The following RASIP1 variants were observed in gnomAD, a reference collection of about 807,000 sequenced individuals.
RASIP1 encodes the protein ras-interacting protein 1.
A neutral mutation model predicts 85.3 loss-of-function variants in RASIP1; 20 were observed. The ratio of observed to expected loss-of-function variants is 0.23; its 90% CI spans 0.17 to 0.34. RASIP1 has a LOEUF of 0.34. Ranked by LOEUF, RASIP1 falls within the 10% of genes least tolerant of loss-of-function variation. The pLI is 1.00. For synonymous variants in RASIP1, 617 were observed against 647.1 expected (o/e 0.95, Z 0.71); for missense variants, 1,170 against 1,390.9 (o/e 0.84, Z 2.53).
intron 4 of RASIP1, among the ~76,000 whole-genome samples, chr19:48,731,571 G>A (rs992086858): frequency 8.6e-5 from 13 of 152,038 alleles, no homozygotes; most frequent in South Asian, 4.1e-4. Context: ...AGAAGACCTC[G>A]TCCTAAAAAA....
Position 48,724,447 on chromosome 19 carries a change from C to T in RASIP1, c.2434G>A (p.Val812Ile), listed in dbSNP as rs146642647. 12 of 1,614,124 alleles carry T rather than the reference C, an allele frequency of 7.4e-6. No homozygotes were observed. In the Middle Eastern group the frequency reaches 6.6e-4, roughly 89 times the overall value. Residue 812 changes from valine to isoleucine, a missense_variant, in exon 10 of 12, where the codon GTC (valine) becomes ATC (isoleucine). Around this residue, in one of 4 missense-constraint regions of RASIP1, gnomAD observed 426 missense variants for 576.2 expected, o/e 0.74. Transcript: ENST00000222145. This position sits in a 1 kb window ranked among gnomAD's most constrained non-coding sequence, Gnocchi z 4.6. ...CCAGCTCCCTGTAGCCAGTCCAAGA[C>T]GAGGTCCAGGTTGGTTCGGATTTGA... ...AVQIRTNLDL[V>I]LDWLQGAGLG...
chr19:48,725,045 A>C, intron 8 of RASIP1, 85 bp from the exon 9 acceptor site: 5 of 1,500,742 alleles, frequency 3.3e-6, no homozygotes, highest in South Asian at 1.3e-5. Context: ...GATAGTGGGG[A>C]GCTCCACCAA....
At chr19:48,737,921 T>C in intron 3 of RASIP1, 1 of 985,428 alleles carries the variant, frequency 1.0e-6, no homozygotes, top group Non-Finnish European at 1.2e-6. Flanking sequence ...TTTTTCTTTT[T>C]CTGGAGGACA....
chr19:48,735,473 C>T lies in RASIP1; in HGVS notation c.902G>A (p.Gly301Asp), dbSNP rs781626847. ...ASGGAALASP[G>D]PGTGSGAPAG... Reference sequence around the variant, plus strand: ...TGGGGCCCCTGATCCGGTCCCCGGGCCAGGACTGGCCAGCGCTGCCCCACC... The same window carrying T: ...TGGGGCCCCTGATCCGGTCCCCGGGTCAGGACTGGCCAGCGCTGCCCCACC... The change falls in exon 4 of 12, where the codon GGC becomes GAC. Residue 301 changes from glycine (G) to aspartate (D), a missense_variant. This residue lies in a region of RASIP1 where 301 missense variants were observed against 294.8 expected (regional missense o/e 1.02). Transcript: ENST00000222145. 4.4e-6 allele frequency: 7 copies of T among 1,574,378 alleles called. No homozygotes were observed. The highest frequency in any genetic ancestry group is 1.1e-5 in the South Asian group (1 of 87,022).
chr19:48,720,738 G>A lies in RASIP1; in HGVS notation c.*60C>T. 6.4e-7 allele frequency: 1 copy of A among 1,551,766 alleles called. No individual in the cohort carries two copies. The highest frequency in any genetic ancestry group is 8.9e-7 in the Non-Finnish European group (1 of 1,125,534). ...CCCAGAAAGCTTTGCGCTCAGGCGG[G>A]CTCCTGTCCGTAGAAGCCCGTGACA... On this transcript the variant is annotated 3_prime_UTR_variant, in exon 12 of 12. Coordinates refer to ENST00000222145, the MANE Select transcript of RASIP1 (RefSeq NM_017805.3).
chr19:48,731,355 C>T (rs1012200584), intron 4 of RASIP1, among the ~76,000 whole-genome samples: 1 of 152,084 alleles, frequency 6.6e-6, no homozygotes, highest in Non-Finnish European at 1.5e-5. Flanking sequence ...CTATTACTCC[C>T]ACTCCCCCAA....
At chr19:48,721,029 T>C (rs1207660864) in intron 11 of RASIP1, 32 bp from the exon 12 acceptor site, 18 of 1,534,014 alleles carry the variant, frequency 1.2e-5, no homozygotes, top group Non-Finnish European at 1.6e-5. Context: ...GGTTAGAGTC[T>C]GAAAGTGGGA....
Position 48,738,915 on chromosome 19 carries a change from T to G in RASIP1, c.823+45A>C, listed in dbSNP as rs1599750865. On this transcript the variant is annotated intron_variant, in intron 3 of 11. Coordinates refer to ENST00000222145, the MANE Select transcript of RASIP1 (RefSeq NM_017805.3). The surrounding 1 kb of genome is among the most constrained non-coding windows in gnomAD (Gnocchi z 4.0). ...CAGGCCCCGCCCCACGGACCCCGCC[T>G]CTCTGGCACCGAGTCCCCGCCCCAG... 31 of 501,984 alleles carry G rather than the reference T, an allele frequency of 6.2e-5. No individual in the cohort carries two copies. Among genetic ancestry groups the G allele is most frequent in the Non-Finnish European group, 7.0e-5 (31 of 440,904 alleles). 31.1% of individuals were successfully genotyped at this position (501,984 alleles called of 1,614,324 possible). A position where few individuals can be genotyped will look rare whatever the true frequency, so the allele number is the denominator to read the frequency against.
chr19:48,737,454 T>C, intron 3 of RASIP1: 2 of 985,378 alleles, frequency 2.0e-6, no homozygotes, highest in Non-Finnish European at 2.4e-6. Context: ...TGACTCTACC[T>C]TCTGTTCCAG....
At position 48,735,435 on chromosome 19, in the gene RASIP1, C is replaced by T. The variant is rs2033551775; in HGVS notation, c.940G>A (p.Gly314Ser). The change falls in exon 4 of 12, where the codon GGC (glycine) becomes AGC (serine). Residue 314 changes from glycine (G) to serine (S), a missense_variant. This residue lies in a region of RASIP1 where 301 missense variants were observed against 294.8 expected (regional missense o/e 1.02). Coordinates refer to ENST00000222145, the MANE Select transcript of RASIP1 (RefSeq NM_017805.3). ...GACAAGTTTTCTGAGCGCTCCTTGCCTCCAGACCCAGCTGGGGCCCCTGAT... is the reference window on the plus strand; with the variant it reads ...GACAAGTTTTCTGAGCGCTCCTTGCTTCCAGACCCAGCTGGGGCCCCTGAT... ...TGSGAPAGSGGKERSENLSLR... is the reference protein window; with the variant it reads ...TGSGAPAGSGSKERSENLSLR... 6.2e-7 allele frequency: 1 copy of T among 1,606,744 alleles called. No individual in the cohort carries two copies. Among genetic ancestry groups the T allele is most frequent in the Non-Finnish European group, 8.5e-7 (1 of 1,177,092 alleles).
chr19:48,731,231 A>G (rs953656245), intron 4 of RASIP1, among the ~76,000 whole-genome samples: 1 of 152,128 alleles, frequency 6.6e-6, no homozygotes. Context: ...TAAGTCCTGC[A>G]ATGGACTCAC....
chr19:48,730,389 C>G (rs1247312628), intron 4 of RASIP1, among the ~76,000 whole-genome samples: 1 of 151,988 alleles, frequency 6.6e-6, no homozygotes, highest in Non-Finnish European at 1.5e-5. Context: ...GTCTCGATCT[C>G]TTGACCTTGT....
At position 48,724,283 on chromosome 19, in the gene RASIP1, AG is replaced by A. The variant is rs2033303664; in HGVS notation, c.2544+53del. Reference sequence around the variant, plus strand: ...GTGAGCTGAATATAGAAGGTGGCTGAGGGGGGTTGAGGAGTCAGAGGTCAGG... The same window carrying A: ...GTGAGCTGAATATAGAAGGTGGCTGAGGGGGTTGAGGAGTCAGAGGTCAGG... On this transcript the variant is annotated intron_variant, in intron 10 of 11. Coordinates refer to ENST00000222145, the MANE Select transcript of RASIP1 (RefSeq NM_017805.3). This position sits in a 1 kb window ranked among gnomAD's most constrained non-coding sequence, Gnocchi z 4.6. 9.0e-6 allele frequency: 14 copies of A among 1,558,526 alleles called. No homozygotes were observed. The Middle Eastern group carries it at 5.8e-4, about 64-fold the overall frequency.
Position 48,729,473 on chromosome 19 carries a change from T to C in RASIP1, c.1297A>G (p.Ile433Val), listed in dbSNP as rs756868799. The change falls in exon 5 of 12, where the codon ATC (isoleucine) becomes GTC (valine). Residue 433 changes from isoleucine to valine, a missense_variant. Coordinates refer to ENST00000222145, the MANE Select transcript of RASIP1 (RefSeq NM_017805.3). ...CGCACTGTGCAGTGACGCGGCAGGA[T>C]GTCCGGGGCGTTGAGGAAGGTGTCC... ...YVDTFLNAPD[I>V]LPRHCTVRAG... 2 of 1,577,850 alleles carry C rather than the reference T, an allele frequency of 1.3e-6. No individual in the cohort carries two copies. The highest frequency in any genetic ancestry group is 1.7e-6 in the Non-Finnish European group (2 of 1,162,678).
rs748997870 is a variant in RASIP1 at position 48,724,393 on chromosome 19, G to A, written c.2488C>T (p.Arg830Trp). The change falls in exon 10 of 12, where the codon CGG becomes TGG. Residue 830 changes from arginine to tryptophan, a missense_variant. Coordinates refer to ENST00000222145, the MANE Select transcript of RASIP1 (RefSeq NM_017805.3). This position sits in a 1 kb window ranked among gnomAD's most constrained non-coding sequence, Gnocchi z 4.6. Reference protein sequence around the residue: ...GLGDIATEFFRKLSMAVNLLC... With the variant: ...GLGDIATEFFWKLSMAVNLLC... ...AGGTTCACAGCCATGGAGAGTTTCC[G>A]GAAGAACTCAGTGGCAATGTCGCCC... 6 of 1,614,040 alleles carry A rather than the reference G, an allele frequency of 3.7e-6. No homozygotes were observed. Among genetic ancestry groups the A allele is most frequent in the East Asian group, 2.2e-5 (1 of 44,884 alleles).
At position 48,739,825 on chromosome 19, in the gene RASIP1, AAAAT is replaced by A. The variant is rs1164621899; in HGVS notation, c.138-184_138-181del. Among the ~76,000 whole-genome samples, 1 of 152,106 alleles carries A rather than the reference AAAAT, an allele frequency of 6.6e-6. No individual in the cohort carries two copies. The highest frequency in any genetic ancestry group is 1.5e-5 in the Non-Finnish European group (1 of 68,002). On this transcript the variant is annotated intron_variant, in intron 2 of 11. Transcript: ENST00000222145. This position sits in a 1 kb window ranked among gnomAD's most constrained non-coding sequence, Gnocchi z 9.2. ...AGACGCGAGGCAAAGAGAGAGAGAA[AAAAT>A]AAATAAATAAAGGCAAGTCCCACAG...
At chr19:48,737,801 C>G in intron 3 of RASIP1, 2 of 984,096 alleles carry the variant, frequency 2.0e-6, no homozygotes, top group Non-Finnish European at 2.4e-6. Context: ...TTTCCACAAG[C>G]CCCGCCCCAC....
intron 3 of RASIP1, among the ~76,000 whole-genome samples, chr19:48,737,285 A>C (rs943894584): frequency 1.3e-5 from 2 of 152,200 alleles, no homozygotes; most frequent in African/African-American, 4.8e-5. Flanking sequence ...TTCAAACCCC[A>C]GTTCAAAGCC....
intron 7 of RASIP1, 26 bp from the exon 8 acceptor site, chr19:48,726,914 G>A: frequency 6.2e-7 from 1 of 1,610,190 alleles, no homozygotes. Context: ...GGGTTAAGAG[G>A]GAGAACCAGA....
Sources: gnomAD v4.1 joint callset for allele counts (sites outside exome capture counted in the v4.1 genomes callset) on GRCh38, gnomAD v4.1.1 for gene constraint, gnomAD v4.1.1 regional missense constraint, Gnocchi (gnomAD v3.1) non-coding constraint, MANE v1.5 for transcripts, NCBI Gene and HGNC (gene_info 2026-07-23, HGNC 2026-07-21) for gene names.